ZMIZ1: variants seen among roughly 807,000 people sequenced by gnomAD.
ZMIZ1 encodes the protein zinc finger MIZ-type containing 1.
Under a neutral mutation model 113.9 loss-of-function variants are expected in ZMIZ1, and 17 were observed. That is an observed-to-expected ratio of 0.15 (90% CI 0.10 to 0.22). The LOEUF is 0.22. ZMIZ1 is among the 10% of genes least tolerant of loss of function. The pLI is 1.00. For missense variants in ZMIZ1, 1,059 were observed against 1,477.8 expected (o/e 0.72, Z 4.65); for synonymous variants, 607 against 603.1 (o/e 1.01, Z -0.09).
chr10:79,099,193 A>G (rs1389347773), intron 1 of ZMIZ1, among the ~76,000 whole-genome samples: 2 of 152,058 alleles, frequency 1.3e-5, no homozygotes, highest in African/African-American at 2.4e-5. Flanking sequence ...GGGTGTGCGC[A>G]CATTCTGATG....
At chr10:79,245,797 C>A (rs1327272476) in intron 7 of ZMIZ1, among the ~76,000 whole-genome samples, 1 of 152,190 alleles carries the variant, frequency 6.6e-6, no homozygotes, top group Non-Finnish European at 1.5e-5. Flanking sequence ...TTGTGAATTT[C>A]AATTAATTAA....
chr10:79,214,902 G>A (rs530355358), intron 6 of ZMIZ1, among the ~76,000 whole-genome samples: 1 of 152,318 alleles, frequency 6.6e-6, no homozygotes, highest in South Asian at 2.1e-4. Context: ...GGAATGGGTG[G>A]GGACAGAGTG....
chr10:79,119,919 C>T (rs925934108), intron 2 of ZMIZ1, among the ~76,000 whole-genome samples: 1 of 148,206 alleles, frequency 6.7e-6, no homozygotes, highest in African/African-American at 2.5e-5. Flanking sequence ...TGTGTGCCAA[C>T]TCCTGGATTA....
chr10:79,190,515 A>C (rs1163501400), intron 4 of ZMIZ1, among the ~76,000 whole-genome samples: 1 of 152,200 alleles, frequency 6.6e-6, no homozygotes, highest in Non-Finnish European at 1.5e-5. Flanking sequence ...CTTTTAGCTC[A>C]AGTAAATGTC....
At chr10:79,232,695 G>T (rs942888609) in intron 7 of ZMIZ1, among the ~76,000 whole-genome samples, 1 of 152,140 alleles carries the variant, frequency 6.6e-6, no homozygotes, top group Non-Finnish European at 1.5e-5. Context: ...AATCAGTTAA[G>T]GAGTTACCAT....
chr10:79,172,360 G>A (rs1846637123), intron 4 of ZMIZ1, among the ~76,000 whole-genome samples: 1 of 152,186 alleles, frequency 6.6e-6, no homozygotes, highest in African/African-American at 2.4e-5. Context: ...GGAGGAAAAT[G>A]AGCACCTGTG....
intron 1 of ZMIZ1, among the ~76,000 whole-genome samples, chr10:79,106,850 C>T (rs182878744): frequency 1.3e-5 from 2 of 152,338 alleles, no homozygotes; most frequent in South Asian, 2.1e-4. Context: ...CTACAGGCAT[C>T]GTGCAGGTGG....
At chr10:79,243,037 C>T (rs966105883) in intron 7 of ZMIZ1, among the ~76,000 whole-genome samples, 4 of 151,350 alleles carry the variant, frequency 2.6e-5, no homozygotes, top group East Asian at 2.0e-4. Flanking sequence ...GGAGGGCGCG[C>T]GCGAGCCGGG....
chr10:79,113,659 A>G (rs1347912536), intron 1 of ZMIZ1, among the ~76,000 whole-genome samples: 2 of 152,100 alleles, frequency 1.3e-5, no homozygotes, highest in Admixed American at 6.5e-5. Context: ...CCCTTTTTCT[A>G]GAATGCCCTT....
At position 79,314,447 on chromosome 10, in the gene ZMIZ1, G is replaced by A; in HGVS notation, c.*1698G>A. ...TGTCCCAGACGGCACAAGGTTTTCT[G>A]TAGGAAAGCTGCCATTGCCCCGGCC... On this transcript the variant is annotated 3_prime_UTR_variant, in exon 25 of 25. Coordinates refer to ENST00000334512, the MANE Select transcript of ZMIZ1 (RefSeq NM_020338.4). The A allele has an allele frequency of 2.9e-6, 1 of 347,526 alleles. No individual in the cohort carries two copies. Among genetic ancestry groups the A allele is most frequent in the South Asian group, 2.2e-5 (1 of 46,226 alleles). 21.5% of individuals were successfully genotyped at this position (347,526 alleles called of 1,614,324 possible). A position where few individuals can be genotyped will look rare whatever the true frequency, so the allele number is the denominator to read the frequency against.
Position 79,314,021 on chromosome 10 carries a change from G to A in ZMIZ1, c.*1272G>A, listed in dbSNP as rs1008128529. 2.6e-5 allele frequency: 12 copies of A among 456,480 alleles called. No individual in the cohort carries two copies. The highest frequency in any genetic ancestry group is 6.9e-5 in the East Asian group (1 of 14,516). 28.3% of individuals were successfully genotyped at this position (456,480 alleles called of 1,614,324 possible). ...CTGCAGGCATGGGGGGGAGGGGGGC[G>A]TGTTTCTGGGCCTGCCCCAGACACT... On this transcript the variant is annotated 3_prime_UTR_variant, in exon 25 of 25. Transcript: ENST00000334512.
chr10:79,148,530 T>C (rs1845584570), intron 3 of ZMIZ1, among the ~76,000 whole-genome samples: 1 of 152,192 alleles, frequency 6.6e-6, no homozygotes, highest in South Asian at 2.1e-4. Flanking sequence ...GCTCGTGTGC[T>C]CAGGCTGTTC....
chr10:79,093,152 A>G (rs1224383484), intron 1 of ZMIZ1, among the ~76,000 whole-genome samples: 6 of 136,580 alleles, frequency 4.4e-5, no homozygotes, highest in African/African-American at 1.3e-4. Context: ...ACACACACAC[A>G]CACACACACA....
intron 4 of ZMIZ1, among the ~76,000 whole-genome samples, chr10:79,168,798 CT>C (rs1846475914): frequency 6.6e-6 from 1 of 152,180 alleles, no homozygotes; most frequent in Admixed American, 6.5e-5. Flanking sequence ...AGGCAGGGAC[CT>C]CAGTGTGACC....
chr10:79,078,850 C>T (rs907038972), intron 1 of ZMIZ1, among the ~76,000 whole-genome samples: 1 of 151,854 alleles, frequency 6.6e-6, no homozygotes, highest in Non-Finnish European at 1.5e-5. Context: ...TGCCTAGCCC[C>T]ACCCTTTTTT....
intron 5 of ZMIZ1, among the ~76,000 whole-genome samples, chr10:79,204,006 C>T (rs1848211765): frequency 6.6e-6 from 1 of 152,236 alleles, no homozygotes; most frequent in South Asian, 2.1e-4. Flanking sequence ...CATGCCCCTC[C>T]TCCCACATCT....
intron 1 of ZMIZ1, among the ~76,000 whole-genome samples, chr10:79,083,412 G>A (rs950286056): frequency 3.3e-5 from 5 of 152,200 alleles, no homozygotes; most frequent in African/African-American, 9.7e-5. Flanking sequence ...GCTAGATGGA[G>A]TGAGGGAAGG....
At chr10:79,264,341 G>A (rs1276110574) in intron 7 of ZMIZ1, among the ~76,000 whole-genome samples, 1 of 152,208 alleles carries the variant, frequency 6.6e-6, no homozygotes, top group Non-Finnish European at 1.5e-5. Flanking sequence ...ACGGACACTG[G>A]TGCATTCTTG....
intron 8 of ZMIZ1, among the ~76,000 whole-genome samples, chr10:79,288,815 G>T (rs1176052372): frequency 1.3e-5 from 2 of 152,218 alleles, no homozygotes; most frequent in Admixed American, 6.5e-5. Flanking sequence ...GACACTCACT[G>T]TAGACCTAAG....
Sources: allele counts gnomAD v4.1 joint callset (sites outside exome capture counted in the v4.1 genomes callset), GRCh38; gene constraint gnomAD v4.1.1; transcripts MANE v1.5; gene names NCBI Gene and HGNC (gene_info 2026-07-23, HGNC 2026-07-21).